The following SORBS2 variants were observed in gnomAD, a reference collection of about 807,000 sequenced individuals.
SORBS2 encodes sorbin and SH3 domain-containing protein 2.
A neutral mutation model predicts 97.7 loss-of-function variants in SORBS2; 46 were observed. The ratio of observed to expected loss-of-function variants is 0.47; its 90% CI spans 0.37 to 0.60. The LOEUF (loss-of-function observed/expected upper bound fraction) is 0.60. Among genes scored for constraint, SORBS2 ranks in the 20% least tolerant of loss-of-function variants. SORBS2 has a pLI of 0.00. For synonymous variants in SORBS2, 476 were observed against 473.4 expected, an observed-to-expected ratio of 1.01 and a Z score of -0.07; for missense variants, 1,316 against 1,282.3, an observed-to-expected ratio of 1.03 and a Z score of -0.40.
intron 1 of SORBS2, among the ~76,000 whole-genome samples, chr4:185,916,036 T>C (rs528955146): frequency 1.3e-5 from 2 of 152,064 alleles, no homozygotes; most frequent in Admixed American, 6.5e-5. Flanking sequence ...GAGAGGGAAA[T>C]GGCAGGTGGA....
chr4:185,682,659 G>A (rs2153505976), intron 2 of SORBS2, among the ~76,000 whole-genome samples: 1 of 152,214 alleles, frequency 6.6e-6, no homozygotes, highest in Non-Finnish European at 1.5e-5. Flanking sequence ...AAGCTACATA[G>A]AATGCAGTTG....
At chr4:185,612,298 T>C (rs759179841) in intron 11 of SORBS2, among the ~76,000 whole-genome samples, 9 of 152,132 alleles carry the variant, frequency 5.9e-5, no homozygotes, top group Non-Finnish European at 1.3e-4. Context: ...AAAAGCAGAA[T>C]AGTGTAAAAG....
In SORBS2 at chr4:185,606,266, T is replaced by A. The variant is rs183729746; in HGVS notation, c.2796+5514A>T. Reference sequence around the variant, plus strand: ...GAGTTTTTAGAATAGTGTCTGATACTCAGTAAGAGCTCCACTATTAGCTAT... The same window carrying A: ...GAGTTTTTAGAATAGTGTCTGATACACAGTAAGAGCTCCACTATTAGCTAT... On this transcript the variant is annotated intron_variant, in intron 12 of 14. Transcript: ENST00000418609. The surrounding 1 kb of genome is among the most constrained non-coding windows in gnomAD (Gnocchi z 4.3). 62 of 984,530 alleles carry A rather than the reference T, an allele frequency of 6.3e-5. No homozygotes were observed. The East Asian group carries it at 5.6e-3, about 88-fold the overall frequency. The allele number at this position is 984,530 out of a possible 1,614,324, so 61.0% of individuals were successfully genotyped here. A position where few individuals can be genotyped will look rare whatever the true frequency, so the allele number is the denominator to read the frequency against.
At chr4:185,829,941 T>C (rs2099204242) in intron 1 of SORBS2, among the ~76,000 whole-genome samples, 2 of 152,226 alleles carry the variant, frequency 1.3e-5, no homozygotes. Context: ...TTTACTGAAT[T>C]AGGAGAAAGA....
intron 1 of SORBS2, among the ~76,000 whole-genome samples, chr4:185,805,297 T>C (rs2099148562): frequency 6.6e-6 from 1 of 152,194 alleles, no homozygotes; most frequent in Non-Finnish European, 1.5e-5. Flanking sequence ...TCCTTTGTTT[T>C]CTGATTTTTA....
At chr4:185,907,185 C>G (rs2099251475) in intron 1 of SORBS2, among the ~76,000 whole-genome samples, 1 of 151,508 alleles carries the variant, frequency 6.6e-6, no homozygotes, top group Non-Finnish European at 1.5e-5. Flanking sequence ...TGTTGTCCAT[C>G]TATTCCATCA....
At chr4:185,649,272 C>A (rs1158944918) in intron 3 of SORBS2, among the ~76,000 whole-genome samples, 195 bp downstream of exon 12, 32 of 152,114 alleles carry the variant, frequency 2.1e-4, no homozygotes, top group Admixed American at 2.1e-3. Context: ...TAGGGCACTC[C>A]AGTATCATGA....
chr4:185,869,041 G>A (rs1312046768), intron 1 of SORBS2, among the ~76,000 whole-genome samples: 4 of 152,186 alleles, frequency 2.6e-5, no homozygotes, highest in African/African-American at 9.6e-5. Flanking sequence ...CTTGCCTTTG[G>A]TGGTGAGCAA....
chr4:185,825,974 T>C (rs1044299248), intron 1 of SORBS2, among the ~76,000 whole-genome samples: 1 of 152,140 alleles, frequency 6.6e-6, no homozygotes, highest in African/African-American at 2.4e-5. Context: ...CCCAGGTCAC[T>C]CCAGGAAGTC....
intron 1 of SORBS2, among the ~76,000 whole-genome samples, chr4:185,935,155 G>A (rs1474950882): frequency 1.3e-5 from 2 of 152,082 alleles, no homozygotes. Context: ...AAACCAATAG[G>A]CAATGTATCA....
chr4:185,735,741 G>T (rs961697646), intron 2 of SORBS2, among the ~76,000 whole-genome samples: 1 of 151,940 alleles, frequency 6.6e-6, no homozygotes, highest in Non-Finnish European at 1.5e-5. Flanking sequence ...TGTCCCCTTA[G>T]TCCATGATGA....
At position 185,623,013 on chromosome 4, in the gene SORBS2, G is replaced by T; in HGVS notation, c.2116C>A (p.Gln706Lys). The change falls in exon 7 of 15, where the codon CAG (glutamine) becomes AAG (lysine). Residue 706 changes from glutamine to lysine, a missense_variant. Coordinates refer to ENST00000418609, the Ensembl canonical transcript of SORBS2. The surrounding 1 kb of genome is among the most constrained non-coding windows in gnomAD (Gnocchi z 6.4). ...CGGGGCATTCTCCCGCAGTCATTCTGGTAGGGTGGACAATGAATAGCACCA... is the reference window on the plus strand; with the variant it reads ...CGGGGCATTCTCCCGCAGTCATTCTTGTAGGGTGGACAATGAATAGCACCA... 15 of 1,614,150 alleles carry T rather than the reference G, an allele frequency of 9.3e-6. No individual in the cohort carries two copies. Among genetic ancestry groups the T allele is most frequent in the Non-Finnish European group, 1.3e-5 (15 of 1,180,034 alleles).
At chr4:185,719,134 G>A (rs749077346) in intron 2 of SORBS2, among the ~76,000 whole-genome samples, 15 of 152,098 alleles carry the variant, frequency 9.9e-5, no homozygotes, top group Non-Finnish European at 1.6e-4. Context: ...TGATAGCATC[G>A]TTAAAGTATA....
intron 1 of SORBS2, among the ~76,000 whole-genome samples, chr4:185,784,484 T>G (rs966659218): frequency 3.3e-5 from 5 of 152,168 alleles, no homozygotes; most frequent in Non-Finnish European, 5.9e-5. Context: ...GAAATGCAGA[T>G]GTCATTCTGT....
intron 4 of SORBS2, among the ~76,000 whole-genome samples, chr4:185,668,840 C>A (rs764838479): frequency 2.0e-5 from 3 of 152,156 alleles, no homozygotes; most frequent in Admixed American, 6.5e-5. Context: ...GAATAGGGAT[C>A]AAGGGTCACC....
intron 1 of SORBS2, among the ~76,000 whole-genome samples, chr4:185,809,490 T>G: frequency 1.7e-5 from 2 of 118,186 alleles, no homozygotes; most frequent in African/African-American, 6.9e-5. Flanking sequence ...AAATCTGATA[T>G]AGTATGTTTT....
intron 1 of SORBS2, among the ~76,000 whole-genome samples, chr4:185,869,333 C>T (rs1465066544): frequency 9.9e-5 from 15 of 152,156 alleles, no homozygotes; most frequent in Admixed American, 9.8e-4. Context: ...GGAATAACTG[C>T]AGGTTAAACA....
chr4:185,932,896 A>G (rs1018977636), intron 1 of SORBS2: 9 of 152,250 alleles, frequency 5.9e-5, no homozygotes, highest in Admixed American at 5.9e-4. Flanking sequence ...ATCCTTCTAC[A>G]ATGTTTTCAG....
chr4:185,684,686 G>T lies in SORBS2; in HGVS notation c.-197-5864C>A. The T allele has an allele frequency of 8.7e-7, 1 of 1,152,800 alleles. No homozygotes were observed. The highest frequency in any genetic ancestry group is 1.3e-6 in the Non-Finnish European group (1 of 797,882). The allele number at this position is 1,152,800 out of a possible 1,614,324, so 71.4% of individuals were successfully genotyped here. A position where few individuals can be genotyped will look rare whatever the true frequency, so the allele number is the denominator to read the frequency against. Reference sequence around the variant, plus strand: ...CATTTTCCTTTGCTTTTTACGTTTAGAACAAAAACAGTCAGAAGAGCTAGA... The same window carrying T: ...CATTTTCCTTTGCTTTTTACGTTTATAACAAAAACAGTCAGAAGAGCTAGA... On this transcript the variant is annotated intron_variant, in intron 2 of 20. Transcript: ENST00000284776. The surrounding 1 kb of genome is among the most constrained non-coding windows in gnomAD (Gnocchi z 4.2).
Sources: gnomAD v4.1 joint callset for allele counts (sites outside exome capture counted in the v4.1 genomes callset) on GRCh38, gnomAD v4.1.1 for gene constraint, Gnocchi (gnomAD v3.1) non-coding constraint, MANE v1.5 for transcripts, NCBI Gene and HGNC (gene_info 2026-07-23, HGNC 2026-07-21) for gene names.